Variants in PLCB1 observed in about 807,000 individuals in gnomAD.
PLCB1 encodes phospholipase C beta 1, also known as 1-phosphatidylinositol 4,5-bisphosphate phosphodiesterase beta-1.
A neutral mutation model predicts 161.8 loss-of-function variants in PLCB1; 46 were observed. That is an observed-to-expected ratio of 0.28 (90% CI 0.22 to 0.36). The LOEUF is 0.36. Ranked by LOEUF, PLCB1 falls within the 10% of genes least tolerant of loss-of-function variation. PLCB1 has a pLI of 1.00. For missense variants in PLCB1, 1,016 were observed against 1,472.5 expected (o/e 0.69, Z 5.07); for synonymous variants, 517 against 503.7 (o/e 1.03, Z -0.35).
chr20:8,797,397 TC>T (rs1466283470), intron 31 of PLCB1, among the ~76,000 whole-genome samples: 1 of 112,380 alleles, frequency 8.9e-6, no homozygotes, highest in Non-Finnish European at 1.8e-5. Context: ...TTTTTTTCTT[TC>T]CTTCTAAGAT....
chr20:8,532,561 C>G (rs1474705950), intron 3 of PLCB1, among the ~76,000 whole-genome samples: 1 of 152,168 alleles, frequency 6.6e-6, no homozygotes, highest in Non-Finnish European at 1.5e-5. Flanking sequence ...TGGTAGATTT[C>G]TATTAACTGA....
At chr20:8,272,723 A>G (rs1180694953) in intron 2 of PLCB1, among the ~76,000 whole-genome samples, 4 of 152,154 alleles carry the variant, frequency 2.6e-5, no homozygotes, top group Non-Finnish European at 4.4e-5. Context: ...AATTTATCAG[A>G]TATCAGAAGT....
In PLCB1 at chr20:8,757,136, C is replaced by T. The variant is rs769110563; in HGVS notation, c.2614C>T (p.Pro872Ser). Residue 872 changes from proline to serine, a missense_variant, in exon 24 of 32, where the codon CCC becomes TCC. By Grantham distance (74) the Pro-to-Ser change is moderately conservative (BLOSUM62 -1). Around this residue, in one of 10 missense-constraint regions of PLCB1, gnomAD observed 398 missense variants for 445.4 expected, o/e 0.89. Coordinates refer to ENST00000338037, the MANE Select transcript of PLCB1 (RefSeq NM_015192.4). Reference protein sequence around the residue: ...NGVNHTTTLTPKPPSQALHSQ... With the variant: ...NGVNHTTTLTSKPPSQALHSQ... ...GGTGAATCACACTACAACCCTGACA[C>T]CCAAGCCACCCTCCCAGGCTCTCCA... The T allele has an allele frequency of 6.2e-7, 1 of 1,613,348 alleles. No individual in the cohort carries two copies. Among genetic ancestry groups the T allele is most frequent in the Non-Finnish European group, 8.5e-7 (1 of 1,179,468 alleles).
chr20:8,328,707 T>C lies in PLCB1; in HGVS notation c.178-42675T>C, dbSNP rs552810018. On this transcript the variant is annotated intron_variant, in intron 2 of 31. Coordinates refer to ENST00000338037, the MANE Select transcript of PLCB1 (RefSeq NM_015192.4). ...GCAACTTTGGGTATATGAAAGTTGA[T>C]TCTGTTTTGAGTATTCATATGCTCT... Among the ~76,000 whole-genome samples the C allele has an allele frequency of 9.2e-5, 14 of 152,318 alleles. No individual in the cohort carries two copies. The South Asian group carries it at 2.9e-3, about 32-fold the overall frequency.
chr20:8,659,861 G>T (rs779634689), intron 9 of PLCB1, among the ~76,000 whole-genome samples: 1 of 151,938 alleles, frequency 6.6e-6, no homozygotes, highest in Non-Finnish European at 1.5e-5. Context: ...GCATGATGGC[G>T]CATGCCTGTA....
chr20:8,601,113 C>G (rs1156594417), intron 3 of PLCB1, among the ~76,000 whole-genome samples: 1 of 152,240 alleles, frequency 6.6e-6, no homozygotes, highest in East Asian at 1.9e-4. Flanking sequence ...ATTCGGCCAT[C>G]TTGGCTCCTC....
At chr20:8,836,727 T>A in intron 31 of PLCB1, among the ~76,000 whole-genome samples, 1 of 152,228 alleles carries the variant, frequency 6.6e-6, no homozygotes, top group Non-Finnish European at 1.5e-5. Flanking sequence ...GTGTATATGA[T>A]GCTTTTGAAC....
intron 3 of PLCB1, among the ~76,000 whole-genome samples, chr20:8,385,600 G>A (rs1490386351): frequency 6.6e-6 from 1 of 152,248 alleles, no homozygotes; most frequent in Non-Finnish European, 1.5e-5. Context: ...AGAGGCTGTT[G>A]AGAATCTGCA....
chr20:8,881,769 G>GGAAAA lies in PLCB1; in HGVS notation c.3573_3577dup (p.Val1193GlufsTer3), dbSNP rs1224155553. ...CCCTCTCTCCCTGTCCTCAGACCCT[G>GGAAAA]GAAAAGTGAACCACAAGACTCCCTC... On this transcript the variant is annotated frameshift_variant, in exon 32 of 32. Coordinates refer to ENST00000338037, the MANE Select transcript of PLCB1 (RefSeq NM_015192.4). LOFTEE classifies it high-confidence loss of function. The GGAAAA allele has an allele frequency of 6.2e-7, 1 of 1,614,076 alleles. No homozygotes were observed. Among genetic ancestry groups the GGAAAA allele is most frequent in the South Asian group, 1.1e-5 (1 of 91,076 alleles).
At position 8,828,041 on chromosome 20, in the gene PLCB1, G is replaced by A. The variant is rs140699520; in HGVS notation, c.3423+37780G>A. Among the ~76,000 whole-genome samples the A allele has an allele frequency of 7.2e-5, 11 of 152,256 alleles. No homozygotes were observed. In the South Asian group the frequency reaches 1.4e-3, roughly 20 times the overall value. On this transcript the variant is annotated intron_variant, in intron 31 of 31. Coordinates refer to ENST00000338037, the MANE Select transcript of PLCB1 (RefSeq NM_015192.4). ...GAAAGGAGTAGTATCACACATTACC[G>A]TCATAAAAAATATTCTGTATAGATT...
At position 8,445,644 on chromosome 20, in the gene PLCB1, G is replaced by A. The variant is rs184943095; in HGVS notation, c.246+74194G>A. Among the ~76,000 whole-genome samples the A allele has an allele frequency of 1.8e-3, 277 of 152,226 alleles. 2 individuals are homozygous for A. The highest frequency in any genetic ancestry group is 6.4e-3 in the African/African-American group (267 of 41,524). ...TCTATAAATTACCTTGAGCAGTATGGCCATTTTCATGGTATTGATTCTTCC... is the reference window on the plus strand; with the variant it reads ...TCTATAAATTACCTTGAGCAGTATGACCATTTTCATGGTATTGATTCTTCC... On this transcript the variant is annotated intron_variant, in intron 3 of 31. Coordinates refer to ENST00000338037, the MANE Select transcript of PLCB1 (RefSeq NM_015192.4).
chr20:8,176,204 G>A (rs191600862), intron 2 of PLCB1, among the ~76,000 whole-genome samples: 111 of 152,214 alleles, frequency 7.3e-4, no homozygotes, highest in African/African-American at 2.5e-3. Context: ...AATATTCAAA[G>A]CAGCTTTATT....
chr20:8,326,012 T>C (rs1272736723), intron 2 of PLCB1, among the ~76,000 whole-genome samples: 9 of 152,216 alleles, frequency 5.9e-5, no homozygotes, highest in Non-Finnish European at 1.0e-4. Flanking sequence ...CAAGTACTTG[T>C]ATTTGGTTTT....
intron 2 of PLCB1, among the ~76,000 whole-genome samples, chr20:8,358,403 C>T (rs1228257323): frequency 6.6e-6 from 1 of 152,154 alleles, no homozygotes; most frequent in Non-Finnish European, 1.5e-5. Flanking sequence ...CACCCTCCAA[C>T]ATGCCCGGCT....
At chr20:8,565,538 A>G (rs1986301760) in intron 3 of PLCB1, among the ~76,000 whole-genome samples, 2 of 151,168 alleles carry the variant, frequency 1.3e-5, no homozygotes, top group South Asian at 4.1e-4. Context: ...ATTATATAAT[A>G]AAGAACTTAA....
chr20:8,665,951 TC>T (rs2084209900), intron 9 of PLCB1, among the ~76,000 whole-genome samples: 1 of 152,166 alleles, frequency 6.6e-6, no homozygotes, highest in African/African-American at 2.4e-5. Context: ...CCTGTGCTAT[TC>T]CCATGTCCCT....
At chr20:8,458,389 C>A (rs1981422998) in intron 3 of PLCB1, among the ~76,000 whole-genome samples, 1 of 152,180 alleles carries the variant, frequency 6.6e-6, no homozygotes, top group Admixed American at 6.5e-5. Context: ...AGTAAGTGAT[C>A]ATTCCCTCCT....
At chr20:8,750,763 C>A in intron 23 of PLCB1, 2 of 1,037,274 alleles carry the variant, frequency 1.9e-6, no homozygotes, top group Non-Finnish European at 2.7e-6. Context: ...GAAAGGCTGG[C>A]TCTAACAAAG....
intron 31 of PLCB1, among the ~76,000 whole-genome samples, chr20:8,846,799 G>A (rs1344021279): frequency 6.6e-6 from 1 of 152,152 alleles, no homozygotes; most frequent in Non-Finnish European, 1.5e-5. Flanking sequence ...GCCAGGGCAA[G>A]TCTGCTTCCA....
Sources: allele counts gnomAD v4.1 joint callset (sites outside exome capture counted in the v4.1 genomes callset), GRCh38; gene constraint gnomAD v4.1.1; regional missense constraint gnomAD v4.1.1; transcripts MANE v1.5; gene names NCBI Gene and HGNC (gene_info 2026-07-23, HGNC 2026-07-21).